Variants in ARPP21 observed in about 807,000 individuals in gnomAD.
The protein encoded by ARPP21 is cAMP-regulated phosphoprotein 21.
Under a neutral mutation model 113.2 loss-of-function variants are expected in ARPP21, and 69 were observed. The ratio of observed to expected loss-of-function variants is 0.61; its 90% CI spans 0.50 to 0.74. ARPP21 has a LOEUF of 0.74. Ranked by LOEUF, ARPP21 falls within the 30% of genes least tolerant of loss-of-function variation. The pLI is 0.00. For synonymous variants in ARPP21, 368 were observed against 375.5 expected, an observed-to-expected ratio of 0.98 and a Z score of 0.23; for missense variants, 1,070 against 1,037.4, an observed-to-expected ratio of 1.03 and a Z score of -0.43.
intron 19 of ARPP21, among the ~76,000 whole-genome samples, chr3:35,789,243 G>A (rs2096695594): frequency 6.6e-6 from 1 of 152,190 alleles, no homozygotes; most frequent in Non-Finnish European, 1.5e-5. Context: ...CTGCCTTCGG[G>A]TGTGTTGTGT....
Position 35,793,894 on chromosome 3 carries a change from T to C in ARPP21, c.2480T>C (p.Met827Thr). 2.5e-6 allele frequency: 4 copies of C among 1,614,120 alleles called. No homozygotes were observed. Among genetic ancestry groups the C allele is most frequent in the Non-Finnish European group, 3.4e-6 (4 of 1,179,968 alleles). The change falls in exon 21 of 21, where the codon ATG becomes ACG. Residue 827 changes from methionine (M) to threonine (T), a missense_variant. Transcript: ENST00000684406. ...PHCPSSTVPV[M>T]SASCRTNCAS... ...TGCCCCTCCAGCACTGTCCCAGTGA[T>C]GTCAGCTAGCTGCAGAACAAACTGT...
intron 9 of ARPP21, among the ~76,000 whole-genome samples, chr3:35,701,490 T>C (rs1304862757): frequency 3.3e-5 from 5 of 151,764 alleles, no homozygotes; most frequent in African/African-American, 9.7e-5. Context: ...TCAATATAGA[T>C]AATCAAGCTC....
intron 17 of ARPP21, among the ~76,000 whole-genome samples, chr3:35,738,836 G>A (rs2094504278): frequency 1.3e-5 from 2 of 152,110 alleles, no homozygotes; most frequent in Admixed American, 1.3e-4. Context: ...CCCTCATATA[G>A]TAATATAATC....
intron 1 of ARPP21, 163 bp from the exon 2 acceptor site, chr3:35,679,624 A>C (rs2078365061): frequency 6.6e-6 from 1 of 151,900 alleles, no homozygotes. Flanking sequence ...AGCCTTCATT[A>C]GAGAAGAAGC....
At chr3:35,780,919 T>A (rs1027247872) in intron 19 of ARPP21, among the ~76,000 whole-genome samples, 1 of 151,738 alleles carries the variant, frequency 6.6e-6, no homozygotes, top group Non-Finnish European at 1.5e-5. Flanking sequence ...CTGGGTTGAG[T>A]GGCAAGCAGT....
chr3:35,679,138 C>A (rs1354951004), intron 1 of ARPP21, among the ~76,000 whole-genome samples: 1 of 151,800 alleles, frequency 6.6e-6, no homozygotes, highest in Non-Finnish European at 1.5e-5. Context: ...GTGGCAATCC[C>A]GATGGGGAGG....
intron 19 of ARPP21, among the ~76,000 whole-genome samples, chr3:35,776,743 G>C (rs576408048): frequency 1.3e-5 from 2 of 152,198 alleles, no homozygotes; most frequent in East Asian, 3.9e-4. Context: ...ATATGGAGTA[G>C]AGCTTCTAAC....
intron 1 of ARPP21, among the ~76,000 whole-genome samples, chr3:35,664,053 T>A (rs1453226482): frequency 1.3e-5 from 2 of 152,262 alleles, no homozygotes; most frequent in African/African-American, 4.8e-5. Context: ...TCAAAATTTC[T>A]GTTTAAGAAA....
chr3:35,684,102 A>G, intron 5 of ARPP21: 2 of 1,535,428 alleles, frequency 1.3e-6, no homozygotes, highest in Non-Finnish European at 1.8e-6. Context: ...AGTAGTGCTG[A>G]ATTTTCCTCA....
chr3:35,726,521 C>T (rs977138066), intron 14 of ARPP21, among the ~76,000 whole-genome samples: 1 of 152,228 alleles, frequency 6.6e-6, no homozygotes, highest in African/African-American at 2.4e-5. Context: ...AGGTTTCCTT[C>T]CTTCCTTTAA....
chr3:35,669,462 G>A (rs1044025160), intron 1 of ARPP21, among the ~76,000 whole-genome samples: 1 of 151,920 alleles, frequency 6.6e-6, no homozygotes. Context: ...ATTCTTTTTT[G>A]GATAATTTTA....
chr3:35,738,636 C>T lies in ARPP21; in HGVS notation c.1749+318C>T, dbSNP rs534195504. Among the ~76,000 whole-genome samples, 10 of 152,198 alleles carry T rather than the reference C, an allele frequency of 6.6e-5. No individual in the cohort carries two copies. In the South Asian group the frequency reaches 1.2e-3, roughly 19 times the overall value. ...GATACAGGAACTTTGCATGAGGGTT[C>T]GGGAAAGATCTCAAGGATGGTGTTG... On this transcript the variant is annotated intron_variant, in intron 17 of 20. Transcript: ENST00000684406.
intron 5 of ARPP21, chr3:35,684,520 G>A: frequency 1.0e-6 from 1 of 985,592 alleles, no homozygotes; most frequent in Non-Finnish European, 1.2e-6. Flanking sequence ...TGCCTTTCAG[G>A]CATCATATTA....
intron 1 of ARPP21, among the ~76,000 whole-genome samples, chr3:35,671,523 T>C (rs926954729): frequency 1.4e-4 from 22 of 152,132 alleles, no homozygotes; most frequent in African/African-American, 4.3e-4. Flanking sequence ...TAACACTATA[T>C]TGGGCAATGT....
intron 1 of ARPP21, among the ~76,000 whole-genome samples, chr3:35,656,616 T>G (rs1001656850): frequency 1.5e-4 from 23 of 151,950 alleles, no homozygotes; most frequent in African/African-American, 5.6e-4. Context: ...ATGATAAAAC[T>G]ATCATGACAA....
intron 20 of ARPP21, 128 bp from the exon 21 acceptor site, chr3:35,793,573 C>A: frequency 1.5e-6 from 1 of 668,446 alleles, no homozygotes; most frequent in East Asian, 2.6e-5. Context: ...CGATAAATGG[C>A]AGAGCTGGAA....
intron 1 of ARPP21, among the ~76,000 whole-genome samples, chr3:35,667,002 G>A (rs77200363): frequency 5.3e-4 from 81 of 152,236 alleles, no homozygotes; most frequent in East Asian, 4.1e-3. Flanking sequence ...TTTCAAAAGC[G>A]TATGGATAAA....
chr3:35,682,015 T>A, intron 3 of ARPP21, 135 bp downstream of exon 3: 1 of 1,113,288 alleles, frequency 9.0e-7, no homozygotes, highest in Non-Finnish European at 1.2e-6. Context: ...AGTCTCCTAC[T>A]TTTTCAATTT....
chr3:35,732,552 G>A (rs1253613596), intron 15 of ARPP21, among the ~76,000 whole-genome samples: 1 of 152,194 alleles, frequency 6.6e-6, no homozygotes, highest in African/African-American at 2.4e-5. Flanking sequence ...GGTTGTCTTG[G>A]ACCTAGCCTC....
Sources: allele counts gnomAD v4.1 joint callset (sites outside exome capture counted in the v4.1 genomes callset), GRCh38; gene constraint gnomAD v4.1.1; transcripts MANE v1.5; gene names NCBI Gene and HGNC (gene_info 2026-07-23, HGNC 2026-07-21).